Variants in ANKRD45 observed in about 807,000 individuals in gnomAD.
ANKRD45 encodes the protein ankyrin repeat domain-containing protein 45.
A neutral mutation model predicts 28.1 loss-of-function variants in ANKRD45; 21 were observed. That is an observed-to-expected ratio of 0.75 (90% confidence interval 0.53 to 1.08). ANKRD45 has a LOEUF of 1.08. ANKRD45 is among the 50% of genes least tolerant of loss of function. ANKRD45 has a pLI of 0.00. For synonymous variants in ANKRD45, 86 were observed against 103.9 expected (o/e 0.83, Z 1.05); for missense variants, 261 against 308.7 (o/e 0.85, Z 1.16).
intron 3 of ANKRD45, chr1:173,636,783 A>G: frequency 7.3e-7 from 1 of 1,363,494 alleles, no homozygotes; most frequent in Non-Finnish European, 1.0e-6. Flanking sequence ...ATTGAACTCT[A>G]CTGTTTTATG....
the ANKRD45 span, among the ~76,000 whole-genome samples, chr1:173,682,686 C>CACACAT: frequency 1.3e-5 from 1 of 79,786 alleles, no homozygotes; most frequent in South Asian, 5.0e-4. Flanking sequence ...CTTTTAAATA[C>CACACAT]ACACACACAC....
At chr1:173,633,647 A>G (rs545252616) in intron 3 of ANKRD45, among the ~76,000 whole-genome samples, 3 of 152,154 alleles carry the variant, frequency 2.0e-5, no homozygotes, top group Non-Finnish European at 4.4e-5. Context: ...GCCTAAAAAT[A>G]GACACATAGA....
At chr1:173,625,032 A>G (rs1053432859) in intron 4 of ANKRD45, 107 bp from the exon 5 acceptor site, 3 of 1,191,522 alleles carry the variant, frequency 2.5e-6, no homozygotes, top group South Asian at 3.2e-5. Context: ...GATGATAGAA[A>G]TATTCTGTAC....
At chr1:173,670,221 C>G (rs1305735720), upstream of ANKRD45, among the ~76,000 whole-genome samples, 1 of 152,134 alleles carries the variant, frequency 6.6e-6, no homozygotes, top group Non-Finnish European at 1.5e-5. Context: ...GTCATTGTCA[C>G]CAGCAAGGAG....
chr1:173,621,008 T>A (rs1332981312), intron 5 of ANKRD45, among the ~76,000 whole-genome samples: 1 of 151,952 alleles, frequency 6.6e-6, no homozygotes, highest in African/African-American at 2.4e-5. Context: ...AAAACAACCA[T>A]CAGACAAACT....
At chr1:173,615,156 C>T (rs1000923378) in intron 5 of ANKRD45, among the ~76,000 whole-genome samples, 6 of 152,024 alleles carry the variant, frequency 3.9e-5, no homozygotes, top group South Asian at 2.1e-4. Flanking sequence ...CCAGACCGGG[C>T]GCGGTGGCTC....
intron 3 of ANKRD45, among the ~76,000 whole-genome samples, chr1:173,639,283 T>C (rs1668599490): frequency 6.6e-6 from 1 of 152,190 alleles, no homozygotes; most frequent in Admixed American, 6.5e-5. Context: ...CTATTGTACA[T>C]GTCCCAGGGC....
chr1:173,694,073 T>C, the ANKRD45 span, among the ~76,000 whole-genome samples: 4 of 152,162 alleles, frequency 2.6e-5, no homozygotes, highest in Admixed American at 2.6e-4. Flanking sequence ...AATAGCACTG[T>C]CTAAGGCACT....
the ANKRD45 span, among the ~76,000 whole-genome samples, chr1:173,685,006 G>A: frequency 2.4e-4 from 37 of 152,318 alleles, no homozygotes; most frequent in South Asian, 7.5e-3. Context: ...CTAAATAGAT[G>A]TGAGAGTCAA....
intron 3 of ANKRD45, among the ~76,000 whole-genome samples, chr1:173,645,059 A>T (rs1441412036): frequency 6.6e-6 from 1 of 152,088 alleles, no homozygotes; most frequent in Non-Finnish European, 1.5e-5. Context: ...GGGGGAATCA[A>T]TTGAATTATT....
At chr1:173,696,998 G>A in the ANKRD45 span, among the ~76,000 whole-genome samples, 14 of 152,186 alleles carry the variant, frequency 9.2e-5, no homozygotes, top group African/African-American at 3.4e-4. Flanking sequence ...GAAAACCATG[G>A]CAGGAGAACT....
the ANKRD45 span, among the ~76,000 whole-genome samples, chr1:173,696,945 G>T: frequency 6.6e-6 from 1 of 152,114 alleles, no homozygotes. Context: ...TGGCTAACTA[G>T]AATAAACAGT....
At position 173,656,278 on chromosome 1, in the gene ANKRD45, C is replaced by A. The variant is rs550230426; in HGVS notation, c.328+2813G>T. Among the ~76,000 whole-genome samples, 438 of 152,252 alleles carry A rather than the reference C, an allele frequency of 2.9e-3. 3 individuals carry two copies. The highest frequency in any genetic ancestry group is 2.0e-3 in the Non-Finnish European group (136 of 68,004). ...AAACCATTCTTTTGTCAGACTTATT[C>A]CTAGTTTCTTTATCATTTTGTTATG... On this transcript the variant is annotated intron_variant, in intron 2 of 5. Coordinates refer to ENST00000333279, the MANE Select transcript of ANKRD45 (RefSeq NM_198493.3).
At chr1:173,642,092 A>C (rs1275455953) in intron 3 of ANKRD45, among the ~76,000 whole-genome samples, 9 of 152,206 alleles carry the variant, frequency 5.9e-5, no homozygotes, top group Admixed American at 5.9e-4. Context: ...TGATGGAACT[A>C]TAACAAGAGT....
At chr1:173,684,975 C>G in the ANKRD45 span, among the ~76,000 whole-genome samples, 1 of 152,136 alleles carries the variant, frequency 6.6e-6, no homozygotes, top group Non-Finnish European at 1.5e-5. Context: ...TCTGGTATTC[C>G]CTGTGGGACT....
chr1:173,710,873 C>T, the ANKRD45 span, among the ~76,000 whole-genome samples: 1 of 152,178 alleles, frequency 6.6e-6, no homozygotes, highest in African/African-American at 2.4e-5. Context: ...CCTCTCCTGC[C>T]TTGCACATGC....
upstream of ANKRD45, among the ~76,000 whole-genome samples, chr1:173,673,137 GTCT>G (rs1030376327): frequency 6.8e-6 from 1 of 146,610 alleles, no homozygotes; most frequent in Non-Finnish European, 1.5e-5. Flanking sequence ...TTGAGATGGA[GTCT>G]TCTTCTGTCA....
Position 173,627,060 on chromosome 1 carries a change from A to C in ANKRD45, c.591+5T>G. 6.3e-7 allele frequency: 1 copy of C among 1,588,020 alleles called. No homozygotes were observed. Among genetic ancestry groups the C allele is most frequent in the South Asian group, 1.1e-5 (1 of 90,224 alleles). On this transcript the variant is annotated splice_donor_5th_base_variant and intron_variant, in intron 4 of 5. Transcript: ENST00000333279. ...ACAGAACAAGCAATAATCACAATAC[A>C]GTACCTTGTCTTCCTTAAGGAGTTT... is the stretch of plus-strand genomic sequence containing the variant.
At chr1:173,685,545 G>A in the ANKRD45 span, among the ~76,000 whole-genome samples, 1 of 152,222 alleles carries the variant, frequency 6.6e-6, no homozygotes, top group African/African-American at 2.4e-5. Context: ...TGTTTAATGT[G>A]TGGAGGGAAT....
Sources: gnomAD v4.1 joint callset for allele counts (sites outside exome capture counted in the v4.1 genomes callset) on GRCh38, gnomAD v4.1.1 for gene constraint, MANE v1.5 for transcripts, NCBI Gene and HGNC (gene_info 2026-07-23, HGNC 2026-07-21) for gene names.